SMC2: variants seen among roughly 807,000 people sequenced by gnomAD.
The protein encoded by SMC2 is structural maintenance of chromosomes protein 2.
SMC2 carries 41 observed loss-of-function variants against 142.6 expected under a neutral mutation model. The observed-to-expected ratio is 0.29, with a 90% CI of 0.22 to 0.37. The LOEUF (loss-of-function observed/expected upper bound fraction) is 0.37. Among genes scored for constraint, SMC2 ranks in the 10% least tolerant of loss-of-function variants. The pLI, the probability that SMC2 is intolerant of heterozygous loss-of-function variation, is 1.00. For synonymous variants in SMC2, 463 were observed against 457.5 expected (o/e 1.01, Z -0.15); for missense variants, 1,265 against 1,373.7 (o/e 0.92, Z 1.25).
chr9:104,134,608 A>G, intron 23 of SMC2, 33 bp downstream of exon 23: 1 of 1,411,142 alleles, frequency 7.1e-7, no homozygotes. Context: ...TATAATTTTC[A>G]TTCCTCTTTA....
chr9:104,119,423 G>C (rs936916190), intron 15 of SMC2, among the ~76,000 whole-genome samples: 10 of 152,084 alleles, frequency 6.6e-5, no homozygotes, highest in Admixed American at 6.6e-5. Flanking sequence ...ACCTGTGACT[G>C]CCAGATAGTT....
upstream of SMC2, chr9:104,094,152 C>G: frequency 2.6e-6 from 1 of 381,258 alleles, no homozygotes; most frequent in Non-Finnish European, 4.6e-6. Flanking sequence ...GCCGGGGAGT[C>G]CCCGGAGCTA....
At chr9:104,133,684 A>T (rs1471307665) in intron 22 of SMC2, among the ~76,000 whole-genome samples, 1 of 152,046 alleles carries the variant, frequency 6.6e-6, no homozygotes, top group Non-Finnish European at 1.5e-5. Context: ...AACAAAAATT[A>T]CCCTATTACA....
chr9:104,095,331 T>G lies in SMC2; in HGVS notation c.-54T>G, dbSNP rs185967004. 2.7e-5 allele frequency: 40 copies of G among 1,459,902 alleles called. No individual in the cohort carries two copies. The African/African-American group carries it at 3.6e-4, about 13-fold the overall frequency. The allele number at this position is 1,459,902 out of a possible 1,614,324, so 90.4% of individuals were successfully genotyped here. A position where few individuals can be genotyped will look rare whatever the true frequency, so the allele number is the denominator to read the frequency against. Reference sequence around the variant, plus strand: ...TATTTCTGTTTCGTACAGAACTGGTTTGTGGCCTGTTTGATTCCTGTCAGA... The same window carrying G: ...TATTTCTGTTTCGTACAGAACTGGTGTGTGGCCTGTTTGATTCCTGTCAGA... On this transcript the variant is annotated 5_prime_UTR_variant, in exon 2 of 25. Transcript: ENST00000374793.
At chr9:104,123,753 G>C (rs1468548963) in intron 17 of SMC2, among the ~76,000 whole-genome samples, 1 of 151,726 alleles carries the variant, frequency 6.6e-6, no homozygotes, top group African/African-American at 2.4e-5. Flanking sequence ...CATCTTTTTT[G>C]GCTATGTACT....
intron 16 of SMC2, among the ~76,000 whole-genome samples, chr9:104,121,367 G>A (rs558951416): frequency 2.0e-5 from 3 of 152,116 alleles, no homozygotes; most frequent in Non-Finnish European, 2.9e-5. Context: ...GTGGTGGCAT[G>A]TGCCTGTGGT....
At chr9:104,090,704 C>T (rs1004163971), upstream of SMC2, among the ~76,000 whole-genome samples, 3 of 152,114 alleles carry the variant, frequency 2.0e-5, no homozygotes, top group African/African-American at 7.2e-5. Context: ...TCTTTTGCAA[C>T]TAAGGGTGTA....
At chr9:104,134,267 C>A in intron 22 of SMC2, 148 bp from the exon 23 acceptor site, 1 of 500,138 alleles carries the variant, frequency 2.0e-6, no homozygotes, top group Non-Finnish European at 3.4e-6. Flanking sequence ...TGAGCATATC[C>A]AGATTTTTCA....
At chr9:104,092,354 T>C (rs931820668), upstream of SMC2, 1 of 152,240 alleles carries the variant, frequency 6.6e-6, no homozygotes, top group Non-Finnish European at 1.5e-5. Flanking sequence ...CGTAAGTGTA[T>C]CAGCTAGTTG....
At chr9:104,126,185 G>A (rs867138241) in intron 18 of SMC2, among the ~76,000 whole-genome samples, 4 of 152,088 alleles carry the variant, frequency 2.6e-5, no homozygotes, top group African/African-American at 4.8e-5. Flanking sequence ...CCCTGTGCCC[G>A]CCATATGGAA....
intron 18 of SMC2, among the ~76,000 whole-genome samples, chr9:104,126,415 A>G (rs890706153): frequency 6.6e-6 from 1 of 152,096 alleles, no homozygotes; most frequent in Non-Finnish European, 1.5e-5. Flanking sequence ...TAATTTATGC[A>G]GAGTTCTTTG....
chr9:104,128,319 T>C (rs1834540453), intron 20 of SMC2, among the ~76,000 whole-genome samples: 1 of 152,340 alleles, frequency 6.6e-6, no homozygotes, highest in Non-Finnish European at 1.5e-5. Flanking sequence ...TTACTATTGA[T>C]TTCCCATTAG....
rs757413920 is a variant in SMC2, at chr9:104,102,581, A to C, written c.1020+8A>C. 6.2e-7 allele frequency: 1 copy of C among 1,610,762 alleles called. No individual in the cohort carries two copies. The highest frequency in any genetic ancestry group is 1.3e-5 in the African/African-American group (1 of 74,844). On this transcript the variant is annotated splice_region_variant and intron_variant, in intron 9 of 24. Coordinates refer to ENST00000374793, the MANE Select transcript of SMC2 (RefSeq NM_006444.3). ...GAAAAAAATATGGTTGAGGTAAGTG[A>C]GCTTAATGTGCCACTAGTGCCACTT... is the stretch of plus-strand genomic sequence containing the variant.
chr9:104,140,573 C>T lies in SMC2; in HGVS notation c.*1258C>T, dbSNP rs1356766638. 3 of 152,524 alleles carry T rather than the reference C, an allele frequency of 2.0e-5. No individual in the cohort carries two copies. The highest frequency in any genetic ancestry group is 3.2e-3 in the Middle Eastern group (1 of 316). The allele number at this position is 152,524 out of a possible 1,614,324, so 9.4% of individuals were successfully genotyped here. ...CTTGACATTTCCCACCCTTCATTCT[C>T]CATACATATGAGATGTCAGAAAACA... On this transcript the variant is annotated 3_prime_UTR_variant, in exon 25 of 25. Transcript: ENST00000374793.
In SMC2 at chr9:104,111,775, T is replaced by G. The variant is rs1401714427; in HGVS notation, c.1215T>G (p.Cys405Trp). The G allele has an allele frequency of 4.3e-6, 7 of 1,613,940 alleles. No individual in the cohort carries two copies. Among genetic ancestry groups the G allele is most frequent in the Non-Finnish European group, 5.9e-6 (7 of 1,179,870 alleles). Residue 405 changes from cysteine to tryptophan, a missense_variant, in exon 10 of 25, where the codon TGT becomes TGG. Physicochemically the swap from Cys to Trp is radical, Grantham distance 215. Around this residue, in one of 4 missense-constraint regions of SMC2, gnomAD observed 898 missense variants for 904.2 expected, o/e 0.99. Coordinates refer to ENST00000374793, the MANE Select transcript of SMC2 (RefSeq NM_006444.3). ...CTCTTGCTGGTCAAATGATGGCCTGTAAAAATGATATAAGTAAAGCTCAGA... is the reference window on the plus strand; with the variant it reads ...CTCTTGCTGGTCAAATGATGGCCTGGAAAAATGATATAAGTAAAGCTCAGA... ...EATLAGQMMA[C>W]KNDISKAQTE...
upstream of SMC2, among the ~76,000 whole-genome samples, chr9:104,089,841 T>A (rs1423112355): frequency 6.6e-6 from 1 of 152,074 alleles, no homozygotes; most frequent in Non-Finnish European, 1.5e-5. Context: ...AGACGGGGTT[T>A]CGCCATGTTG....
rs1460334635 is a variant in SMC2, at chr9:104,139,904, TC to T, written c.*591del. Reference sequence around the variant, plus strand: ...TTTTAATGATACATGAATATCATGTTCCTATACGCTTAATAATTGGTCTCTA... The same window carrying T: ...TTTTAATGATACATGAATATCATGTTCTATACGCTTAATAATTGGTCTCTA... On this transcript the variant is annotated 3_prime_UTR_variant, in exon 25 of 25. Transcript: ENST00000374793. 1.3e-5 allele frequency: 2 copies of T among 151,934 alleles called. No homozygotes were observed. Among genetic ancestry groups the T allele is most frequent in the South Asian group, 2.1e-4 (1 of 4,826 alleles). 9.4% of individuals were successfully genotyped at this position (151,934 alleles called of 1,614,324 possible).
upstream of SMC2, chr9:104,094,215 AG>A: frequency 2.5e-6 from 1 of 394,964 alleles, no homozygotes; most frequent in Non-Finnish European, 4.5e-6. Flanking sequence ...CTTCGAGTGT[AG>A]GGGAAAAATT....
rs1329300975 is a variant in SMC2 at position 104,095,458 on chromosome 9, C to T, written c.74C>T (p.Pro25Leu). The T allele has an allele frequency of 1.2e-6, 2 of 1,613,552 alleles. No homozygotes were observed. The highest frequency in any genetic ancestry group is 2.7e-5 in the African/African-American group (2 of 74,882). Reference sequence around the variant, plus strand: ...AGGACCGAAGTCAATGGTTTTGACCCCCTCTTCAATGCTATCACTGGCTTA... The same window carrying T: ...AGGACCGAAGTCAATGGTTTTGACCTCCTCTTCAATGCTATCACTGGCTTA... ...AQRTEVNGFD[P>L]LFNAITGLNG... The change falls in exon 2 of 25, where the codon CCC becomes CTC. Residue 25 changes from proline (P) to leucine (L), a missense_variant. Physicochemically the swap from Pro to Leu is moderately conservative, Grantham distance 98. Around this residue, in one of 4 missense-constraint regions of SMC2, gnomAD observed 168 missense variants for 184.8 expected, o/e 0.91. Transcript: ENST00000374793.
Sources: gnomAD v4.1 joint callset for allele counts (sites outside exome capture counted in the v4.1 genomes callset) on GRCh38, gnomAD v4.1.1 for gene constraint, gnomAD v4.1.1 regional missense constraint, MANE v1.5 for transcripts, NCBI Gene and HGNC (gene_info 2026-07-23, HGNC 2026-07-21) for gene names.